AEN: variants seen among roughly 807,000 people sequenced by gnomAD.
AEN encodes apoptosis enhancing nuclease, also known as apoptosis-enhancing nuclease.
A neutral mutation model predicts 17.7 loss-of-function variants in AEN; 21 were observed. That is an observed-to-expected ratio of 1.19 (90% CI 0.84 to 1.71). The LOEUF is 1.71. AEN is among the 40% of genes most tolerant of loss of function. The probability of loss-of-function intolerance (pLI) is 0.00; values close to 1 mark genes in which losing one functional copy is unlikely to be tolerated. For missense variants in AEN, 462 were observed against 435.9 expected, an observed-to-expected ratio of 1.06 and a Z score of -0.53; for synonymous variants, 190 against 173.0, an observed-to-expected ratio of 1.10 and a Z score of -0.77.
chr15:88,612,736 G>A, the AEN span, among the ~76,000 whole-genome samples: 1 of 152,002 alleles, frequency 6.6e-6, no homozygotes, highest in Non-Finnish European at 1.5e-5. Flanking sequence ...GACTAGCTGG[G>A]ATTACAGGTG....
At chr15:88,618,601 A>G (rs924077367), upstream of AEN, among the ~76,000 whole-genome samples, 3 of 152,230 alleles carry the variant, frequency 2.0e-5, no homozygotes, top group Non-Finnish European at 4.4e-5. Flanking sequence ...TTTTTCCATA[A>G]ATTTGTGAGT....
At chr15:88,614,938 A>C in the AEN span, among the ~76,000 whole-genome samples, 1 of 151,870 alleles carries the variant, frequency 6.6e-6, no homozygotes, top group Non-Finnish European at 1.5e-5. Context: ...CCCAGGCTGG[A>C]GTGCAGTGGC....
chr15:88,631,445 G>C lies in AEN; in HGVS notation c.*1151G>C. ...GATAACCAAGAGCTCAGGTCACACA[G>C]ACCTTGGAGCCCCATCTTTGCTTGC... On this transcript the variant is annotated 3_prime_UTR_variant, in exon 4 of 4. Coordinates refer to ENST00000332810, the MANE Select transcript of AEN (RefSeq NM_022767.4). 4.3e-6 allele frequency: 1 copy of C among 231,958 alleles called. No individual in the cohort carries two copies. The highest frequency in any genetic ancestry group is 5.3e-5 in the South Asian group (1 of 18,860). 14.4% of individuals were successfully genotyped at this position (231,958 alleles called of 1,614,324 possible).
chr15:88,626,296 G>A lies in AEN; in HGVS notation c.87G>A (p.Arg29=), dbSNP rs776197245. 6.2e-7 allele frequency: 1 copy of A among 1,613,524 alleles called. No individual in the cohort carries two copies. The highest frequency in any genetic ancestry group is 1.1e-5 in the South Asian group (1 of 91,032). The change falls in exon 2 of 4, where the codon AGG becomes AGA. Residue 29 remains arginine, a synonymous_variant. Transcript: ENST00000332810. ...IPNAKDVLRK[R]HKRRSRQHQR... is the part of the protein sequence containing the mutation. ...ATGCCAAGGATGTGCTTCGGAAGAG[G>A]CACAAGAGAAGGAGCCGACAGCACC...
upstream of AEN, among the ~76,000 whole-genome samples, chr15:88,617,649 C>T (rs969278517): frequency 6.6e-6 from 1 of 152,126 alleles, no homozygotes; most frequent in African/African-American, 2.4e-5. Flanking sequence ...ACCCCTTACC[C>T]CCTAACCCCA....
At chr15:88,613,934 A>G in the AEN span, among the ~76,000 whole-genome samples, 112 of 152,270 alleles carry the variant, frequency 7.4e-4, no homozygotes, top group Admixed American at 1.3e-3. Flanking sequence ...TGCACCCACA[A>G]ATCTGCCATC....
the AEN span, among the ~76,000 whole-genome samples, chr15:88,606,083 G>A: frequency 6.6e-6 from 1 of 152,220 alleles, no homozygotes; most frequent in African/African-American, 2.4e-5. Flanking sequence ...GCAGTGGTGC[G>A]GGGAGCAGAG....
chr15:88,623,759 G>T (rs761954763), intron 1 of AEN, among the ~76,000 whole-genome samples: 6 of 152,236 alleles, frequency 3.9e-5, no homozygotes, highest in Non-Finnish European at 8.8e-5. Flanking sequence ...GGCCAGTAGA[G>T]ACCAATTCAG....
chr15:88,625,244 A>G (rs890882598), intron 1 of AEN, among the ~76,000 whole-genome samples: 4 of 152,190 alleles, frequency 2.6e-5, no homozygotes, highest in Non-Finnish European at 5.9e-5. Context: ...TAAAGGCTGG[A>G]CACGGTGGCT....
chr15:88,608,600 A>T, the AEN span, among the ~76,000 whole-genome samples: 117 of 152,358 alleles, frequency 7.7e-4, 2 homozygotes, highest in Admixed American at 3.7e-3. Context: ...CTTGTGATGC[A>T]GAATGGATAT....
rs367885021 is a variant in AEN, at chr15:88,626,266, C to A, written c.57C>A (p.Ile19=). Reference sequence around the variant, plus strand: ...AGTGCCTGTGCCCTTCCCTCACCATCCCAAATGCCAAGGATGTGCTTCGGA... The same window carrying A: ...AGTGCCTGTGCCCTTCCCTCACCATACCAAATGCCAAGGATGTGCTTCGGA... ...SAQCLCPSLT[I]PNAKDVLRKR... Residue 19 remains isoleucine (I), a synonymous_variant, in exon 2 of 4, where the codon ATC becomes ATA. Transcript: ENST00000332810. 2 of 1,613,156 alleles carry A rather than the reference C, an allele frequency of 1.2e-6. No individual in the cohort carries two copies. Among genetic ancestry groups the A allele is most frequent in the African/African-American group, 2.7e-5 (2 of 74,934 alleles).
upstream of AEN, among the ~76,000 whole-genome samples, chr15:88,620,263 T>C (rs76257380): frequency 0.013 from 1,960 of 152,236 alleles, 35 homozygotes; most frequent in African/African-American, 0.038. Context: ...GTCAATTTCC[T>C]TAACTGTAAA....
chr15:88,623,862 G>T (rs1260254451), intron 1 of AEN, among the ~76,000 whole-genome samples: 1 of 152,228 alleles, frequency 6.6e-6, no homozygotes, highest in Non-Finnish European at 1.5e-5. Context: ...GGAGCGAGGA[G>T]CAGTGCCTCC....
At chr15:88,612,840 A>T in the AEN span, among the ~76,000 whole-genome samples, 1 of 151,998 alleles carries the variant, frequency 6.6e-6, no homozygotes, top group African/African-American at 2.4e-5. Context: ...ACGTCAGGGG[A>T]TCTGCCCACC....
At chr15:88,617,891 G>A (rs2057751424), upstream of AEN, among the ~76,000 whole-genome samples, 1 of 152,074 alleles carries the variant, frequency 6.6e-6, no homozygotes, top group African/African-American at 2.4e-5. Context: ...CTTCCCCAAG[G>A]CCTCTGAATT....
At chr15:88,616,175 C>A in the AEN span, among the ~76,000 whole-genome samples, 3 of 151,346 alleles carry the variant, frequency 2.0e-5, no homozygotes, top group South Asian at 6.4e-4. Context: ...CTCACTGCAA[C>A]CTCTGCCTCC....
At chr15:88,614,759 A>T in the AEN span, among the ~76,000 whole-genome samples, 1 of 152,172 alleles carries the variant, frequency 6.6e-6, no homozygotes, top group South Asian at 2.1e-4. Flanking sequence ...CTCAGCGACA[A>T]ACTACTAACA....
In AEN at chr15:88,629,268, C is replaced by G. The variant is rs2057894595; in HGVS notation, c.583C>G (p.Leu195Val). The G allele has an allele frequency of 6.2e-7, 1 of 1,614,018 alleles. No individual in the cohort carries two copies. The highest frequency in any genetic ancestry group is 1.7e-5 in the Admixed American group (1 of 59,990). Residue 195 changes from leucine to valine, a missense_variant, in exon 3 of 4, where the codon CTG becomes GTG. Leu to Val is a conservative substitution (Grantham distance 32, BLOSUM62 1). Transcript: ENST00000332810. ...LKGKVVVGHALHNDFQALKYV... is the reference protein window; with the variant it reads ...LKGKVVVGHAVHNDFQALKYV... ...GGGCAAGGTGGTGGTGGGGCACGCGCTGCACAACGACTTCCAGGCGCTCAA... is the reference window on the plus strand; with the variant it reads ...GGGCAAGGTGGTGGTGGGGCACGCGGTGCACAACGACTTCCAGGCGCTCAA...
At chr15:88,620,258 T>C (rs2057771272), upstream of AEN, among the ~76,000 whole-genome samples, 1 of 152,144 alleles carries the variant, frequency 6.6e-6, no homozygotes, top group Admixed American at 6.5e-5. Context: ...TAAGTGTCAA[T>C]TTCCTTAACT....
Sources: allele counts gnomAD v4.1 joint callset (sites outside exome capture counted in the v4.1 genomes callset), GRCh38; gene constraint gnomAD v4.1.1; transcripts MANE v1.5; gene names NCBI Gene and HGNC (gene_info 2026-07-23, HGNC 2026-07-21).